The following CDYL2 variants were observed in gnomAD, a reference collection of about 807,000 sequenced individuals.
The protein encoded by CDYL2 is chromodomain Y like 2, also known as chromodomain Y-like protein 2.
Under a neutral mutation model 49.4 loss-of-function variants are expected in CDYL2, and 23 were observed. The ratio of observed to expected loss-of-function variants is 0.47; its 90% CI spans 0.34 to 0.66. The LOEUF is 0.66. Among genes scored for constraint, CDYL2 ranks in the 30% least tolerant of loss-of-function variants. The pLI is 0.01. For missense variants in CDYL2, 678 were observed against 656.4 expected (o/e 1.03, Z -0.36); for synonymous variants, 360 against 268.8 (o/e 1.34, Z -3.32).
chr16:80,756,151 C>A (rs985485617), intron 1 of CDYL2, among the ~76,000 whole-genome samples: 6 of 152,070 alleles, frequency 3.9e-5, no homozygotes, highest in African/African-American at 1.4e-4. Flanking sequence ...AGTGGTCCAA[C>A]TTGAGAAGTT....
intron 2 of CDYL2, among the ~76,000 whole-genome samples, chr16:80,656,130 T>C (rs1450143477): frequency 6.6e-6 from 1 of 152,232 alleles, no homozygotes; most frequent in Non-Finnish European, 1.5e-5. Context: ...TAAAAGTACC[T>C]ACTCTTCGGG....
At position 80,600,326 on chromosome 16, in the gene CDYL2, T is replaced by C. The variant is rs1430273130; in HGVS notation, c.*4062A>G. The C allele has an allele frequency of 6.6e-6, 1 of 152,174 alleles. No homozygotes were observed. Among genetic ancestry groups the C allele is most frequent in the African/African-American group, 2.4e-5 (1 of 41,442 alleles). The allele number at this position is 152,174 out of a possible 1,614,324, so 9.4% of individuals were successfully genotyped here. ...TGAAAAATATTGCCTAAAACGCATA[T>C]CCTAACTTATCACAGAAATATAAAA... On this transcript the variant is annotated 3_prime_UTR_variant, in exon 7 of 7. Transcript: ENST00000570137.
intron 1 of CDYL2, among the ~76,000 whole-genome samples, chr16:80,712,283 T>C (rs1904645903): frequency 6.7e-6 from 1 of 150,078 alleles, no homozygotes; most frequent in South Asian, 2.1e-4. Flanking sequence ...TAAAATAATG[T>C]CCAGAGAGTC....
intron 1 of CDYL2, among the ~76,000 whole-genome samples, chr16:80,797,866 A>C (rs910292571): frequency 1.3e-5 from 2 of 152,146 alleles, no homozygotes; most frequent in African/African-American, 2.4e-5. Context: ...CCCTACTTCT[A>C]TTCTTCCTCT....
At chr16:80,719,585 A>G (rs183616992) in intron 1 of CDYL2, among the ~76,000 whole-genome samples, 1 of 152,316 alleles carries the variant, frequency 6.6e-6, no homozygotes, top group Non-Finnish European at 1.5e-5. Flanking sequence ...CTTCCATCAC[A>G]TGGGGCCTAG....
intron 3 of CDYL2, among the ~76,000 whole-genome samples, chr16:80,626,167 G>A (rs559536170): frequency 1.3e-5 from 2 of 150,914 alleles, no homozygotes; most frequent in African/African-American, 4.9e-5. Flanking sequence ...GCATGGTGGT[G>A]CATGCCAGTG....
At chr16:80,742,584 G>C (rs925789786) in intron 1 of CDYL2, among the ~76,000 whole-genome samples, 1 of 151,802 alleles carries the variant, frequency 6.6e-6, no homozygotes, top group Non-Finnish European at 1.5e-5. Context: ...AAATGGGTGA[G>C]TGGGTAGATA....
chr16:80,804,509 G>A lies in CDYL2; in HGVS notation c.-336C>T, dbSNP rs1369381197. Among the ~76,000 whole-genome samples, 3 of 144,538 alleles carry A rather than the reference G, an allele frequency of 2.1e-5. No individual in the cohort carries two copies. Among genetic ancestry groups the A allele is most frequent in the African/African-American group, 7.4e-5 (3 of 40,404 alleles). 94.8% of individuals were successfully genotyped at this position (144,538 alleles called of 152,430 possible). The stretch of plus-strand genomic sequence containing the variant: ...GGCCCCCGCGACCCGGCGACCCGGC[G>A]GCGGTGGCTGCAGCCGGCAACGGCT... On this transcript the variant is annotated 5_prime_UTR_variant, in exon 1 of 7. Coordinates refer to ENST00000570137, the MANE Select transcript of CDYL2 (RefSeq NM_152342.4).
chr16:80,708,982 T>C (rs1399219674), intron 1 of CDYL2, among the ~76,000 whole-genome samples: 1 of 152,226 alleles, frequency 6.6e-6, no homozygotes, highest in African/African-American at 2.4e-5. Flanking sequence ...AATGTTCTTC[T>C]GGCAGCAGAG....
intron 2 of CDYL2, among the ~76,000 whole-genome samples, chr16:80,646,859 G>C (rs1464588897): frequency 6.8e-6 from 1 of 147,240 alleles, no homozygotes; most frequent in African/African-American, 2.5e-5. Flanking sequence ...CTGCCTGTAA[G>C]AAACACACTT....
chr16:80,795,942 C>G (rs1268847778), intron 1 of CDYL2, among the ~76,000 whole-genome samples: 3 of 152,276 alleles, frequency 2.0e-5, no homozygotes, highest in African/African-American at 4.8e-5. Flanking sequence ...TATAGAAGTT[C>G]AAAAGATTAA....
chr16:80,720,651 G>A (rs1904966824), intron 1 of CDYL2, among the ~76,000 whole-genome samples: 1 of 152,144 alleles, frequency 6.6e-6, no homozygotes, highest in South Asian at 2.1e-4. Context: ...ACATGCTCCT[G>A]GCATTTCTTC....
chr16:80,785,858 G>A (rs1907419121), intron 1 of CDYL2, among the ~76,000 whole-genome samples: 1 of 152,158 alleles, frequency 6.6e-6, no homozygotes, highest in Admixed American at 6.5e-5. Flanking sequence ...CAAAAGCAAT[G>A]GGGAAAAGAT....
At chr16:80,724,845 T>C in intron 1 of CDYL2, among the ~76,000 whole-genome samples, 1 of 152,220 alleles carries the variant, frequency 6.6e-6, no homozygotes. Flanking sequence ...GGTCTTCTTG[T>C]CTACAGTCTT....
intron 5 of CDYL2, among the ~76,000 whole-genome samples, chr16:80,611,197 C>T (rs1351343722): frequency 1.3e-5 from 2 of 152,174 alleles, no homozygotes; most frequent in African/African-American, 4.8e-5. Context: ...AATAGAAGGT[C>T]TGAAGAGCAG....
chr16:80,627,352 G>C (rs953765285), intron 3 of CDYL2, among the ~76,000 whole-genome samples: 5 of 151,528 alleles, frequency 3.3e-5, no homozygotes, highest in African/African-American at 7.3e-5. Flanking sequence ...ATGACTCAGA[G>C]AGTAGCTTCT....
At chr16:80,623,145 A>C (rs895758702) in intron 3 of CDYL2, among the ~76,000 whole-genome samples, 1 of 150,786 alleles carries the variant, frequency 6.6e-6, no homozygotes, top group Non-Finnish European at 1.5e-5. Flanking sequence ...GAACAGCAGC[A>C]ACACATCCCT....
chr16:80,714,560 T>A (rs779832250), intron 1 of CDYL2, among the ~76,000 whole-genome samples: 80 of 152,164 alleles, frequency 5.3e-4, no homozygotes, highest in Non-Finnish European at 9.1e-4. Context: ...ATATATCTGT[T>A]GTTGTGTCTC....
chr16:80,662,702 A>C, intron 2 of CDYL2: 1 of 455,372 alleles, frequency 2.2e-6, no homozygotes, highest in Non-Finnish European at 4.4e-6. Context: ...GGCTATTGAA[A>C]TTTTAATTTT....
Sources: allele counts gnomAD v4.1 joint callset (sites outside exome capture counted in the v4.1 genomes callset), GRCh38; gene constraint gnomAD v4.1.1; transcripts MANE v1.5; gene names NCBI Gene and HGNC (gene_info 2026-07-23, HGNC 2026-07-21).